The following GALNT17 variants were observed in gnomAD, a reference collection of about 807,000 sequenced individuals.
GALNT17 encodes the protein UDP-GalNAc:polypeptide N-acetylgalactosaminyltransferase-like 3.
In GALNT17, 29 loss-of-function variants were observed where a neutral mutation model predicts 63.7. The ratio of observed to expected loss-of-function variants is 0.46; its 90% CI spans 0.34 to 0.62. The LOEUF (loss-of-function observed/expected upper bound fraction) is 0.62. Among genes scored for constraint, GALNT17 ranks in the 20% least tolerant of loss-of-function variants. The pLI is 0.01. For missense variants in GALNT17, 603 were observed against 799.6 expected, an observed-to-expected ratio of 0.75 and a Z score of 2.97; for synonymous variants, 305 against 318.3, an observed-to-expected ratio of 0.96 and a Z score of 0.45.
chr7:71,497,287 A>G (rs1393267536), intron 5 of GALNT17, among the ~76,000 whole-genome samples: 2 of 152,142 alleles, frequency 1.3e-5, no homozygotes, highest in African/African-American at 4.8e-5. Flanking sequence ...GCATAGATTA[A>G]GTGGTTTAAA....
In GALNT17 at chr7:71,540,093, CTTTTTTTTTTTTTTTTT is replaced by C. The variant is rs71089954; in HGVS notation, c.963-31173_963-31157del. On this transcript the variant is annotated intron_variant, in intron 5 of 10. Transcript: ENST00000333538. ...ACAGTTGTGAGCCACTGTGCCTGGC[CTTTTTTTTTTTTTTTTT>C]TTTTTTTTTTTTTTTTTTGATGGAG... Among the ~76,000 whole-genome samples the C allele has an allele frequency of 3.0e-4, 10 of 33,548 alleles. 1 individual carries two copies. Among genetic ancestry groups the C allele is most frequent in the East Asian group, 2.1e-3 (2 of 962 alleles). The allele number at this position is 33,548 out of a possible 152,430, so 22.0% of individuals were successfully genotyped here.
intron 5 of GALNT17, among the ~76,000 whole-genome samples, chr7:71,529,922 T>G (rs1004760284): frequency 2.0e-5 from 3 of 152,222 alleles, no homozygotes; most frequent in Admixed American, 2.0e-4. Flanking sequence ...TAGGGAAAGC[T>G]TTTAAAGTCT....
chr7:71,389,415 A>G (rs1793009181), intron 3 of GALNT17, among the ~76,000 whole-genome samples: 1 of 151,930 alleles, frequency 6.6e-6, no homozygotes, highest in Middle Eastern at 3.4e-3. Flanking sequence ...ATTACAGGCC[A>G]TGAGCCACCG....
At chr7:71,451,878 C>T (rs952194806) in intron 5 of GALNT17, among the ~76,000 whole-genome samples, 9 of 151,630 alleles carry the variant, frequency 5.9e-5, no homozygotes, top group Non-Finnish European at 1.2e-4. Context: ...TTTATTTCAC[C>T]GAATTGTGGT....
At chr7:71,327,118 A>T (rs910631020) in intron 1 of GALNT17, among the ~76,000 whole-genome samples, 5 of 152,180 alleles carry the variant, frequency 3.3e-5, no homozygotes, top group Non-Finnish European at 7.3e-5. Flanking sequence ...CAGGCACTGG[A>T]GGTGACCACA....
rs1219751607 is a variant in GALNT17 at position 71,259,638 on chromosome 7, G to GTTTTTTTTTT, written c.239-75905_239-75904insTTTTTTTTTT. ...AGATCTTGGTCCTGTTTTGTTTTTT[G>GTTTTTTTTTT]TTTTTTTGTTTTTTTTTTTTTGAGA... is the stretch of plus-strand genomic sequence containing the variant. On this transcript the variant is annotated intron_variant, in intron 1 of 10. Coordinates refer to ENST00000333538, the MANE Select transcript of GALNT17 (RefSeq NM_022479.3). 1.3e-3 allele frequency among the ~76,000 whole-genome samples: 185 copies of GTTTTTTTTTT among 137,980 alleles called. 5 individuals are homozygous for GTTTTTTTTTT. The highest frequency in any genetic ancestry group is 1.7e-3 in the Non-Finnish European group (110 of 65,740). The allele number at this position is 137,980 out of a possible 152,430, so 90.5% of individuals were successfully genotyped here. A position where few individuals can be genotyped will look rare whatever the true frequency, so the allele number is the denominator to read the frequency against.
intron 1 of GALNT17, among the ~76,000 whole-genome samples, chr7:71,269,452 G>A (rs1177069448): frequency 4.6e-5 from 7 of 152,186 alleles, no homozygotes; most frequent in Admixed American, 2.0e-4. Flanking sequence ...GGGCAACAGA[G>A]CAAGACCATG....
In GALNT17 at chr7:71,525,396, C is replaced by T. The variant is rs955833609; in HGVS notation, c.963-45889C>T. ...TTGTTTTTTGTATTTTTAGTAGAGA[C>T]GGGGTTTCACTGTGTTAGCCAGGAT... On this transcript the variant is annotated intron_variant, in intron 5 of 10. Coordinates refer to ENST00000333538, the MANE Select transcript of GALNT17 (RefSeq NM_022479.3). Among the ~76,000 whole-genome samples the T allele has an allele frequency of 5.9e-5, 9 of 151,978 alleles. No homozygotes were observed. The South Asian group carries it at 6.2e-4, about 11-fold the overall frequency.
intron 6 of GALNT17, among the ~76,000 whole-genome samples, chr7:71,573,648 T>C (rs1462301102): frequency 6.6e-6 from 1 of 152,122 alleles, no homozygotes; most frequent in Non-Finnish European, 1.5e-5. Flanking sequence ...TTATTTTTTA[T>C]TTTTTTCTTT....
chr7:71,153,781 G>A (rs149800853), intron 1 of GALNT17, among the ~76,000 whole-genome samples: 1,776 of 152,178 alleles, frequency 0.012, 36 homozygotes, highest in African/African-American at 0.041. Context: ...GCCAGTCGTG[G>A]TGGCGGGCGC....
At chr7:71,488,889 C>T (rs1583997138) in intron 5 of GALNT17, among the ~76,000 whole-genome samples, 3 of 54,738 alleles carry the variant, frequency 5.5e-5, no homozygotes, top group African/African-American at 7.4e-5. Flanking sequence ...GCCAGGTTTC[C>T]TTTTTTTTTT....
chr7:71,685,463 A>T (rs987360164), intron 9 of GALNT17: 2 of 152,210 alleles, frequency 1.3e-5, no homozygotes, highest in African/African-American at 4.8e-5. Flanking sequence ...AAGCATTGGC[A>T]GGTGCTTTTC....
chr7:71,391,993 C>T (rs1793060233), intron 3 of GALNT17, among the ~76,000 whole-genome samples: 1 of 152,018 alleles, frequency 6.6e-6, no homozygotes, highest in Non-Finnish European at 1.5e-5. Context: ...TGAGAACTTC[C>T]TCATTACCAT....
At chr7:71,708,094 T>A (rs1010022802) in intron 9 of GALNT17, among the ~76,000 whole-genome samples, 7 of 152,214 alleles carry the variant, frequency 4.6e-5, no homozygotes, top group African/African-American at 1.4e-4. Flanking sequence ...GCTCTTTCAT[T>A]ATTATAAATT....
rs74656109 is a variant in GALNT17 at position 71,687,379 on chromosome 7, C to A, written c.1500+10073C>A. On this transcript the variant is annotated intron_variant, in intron 9 of 10. Coordinates refer to ENST00000333538, the MANE Select transcript of GALNT17 (RefSeq NM_022479.3). ...CCCTGCTGGCGTGACGGGGCTCTGGCGAGCTATTAGCATGTAGGAGGCACC... is the reference window on the plus strand; with the variant it reads ...CCCTGCTGGCGTGACGGGGCTCTGGAGAGCTATTAGCATGTAGGAGGCACC... Among the ~76,000 whole-genome samples, 139 of 152,290 alleles carry A rather than the reference C, an allele frequency of 9.1e-4. No individual in the cohort carries two copies. In the East Asian group the frequency reaches 0.025, roughly 28 times the overall value.
At chr7:71,502,966 G>A (rs896747168) in intron 5 of GALNT17, among the ~76,000 whole-genome samples, 4 of 152,152 alleles carry the variant, frequency 2.6e-5, no homozygotes, top group Admixed American at 2.0e-4. Context: ...TTGTTGAAAT[G>A]TCTGCTTTCT....
intron 5 of GALNT17, among the ~76,000 whole-genome samples, chr7:71,537,653 A>C (rs1203589441): frequency 6.6e-6 from 1 of 152,166 alleles, no homozygotes; most frequent in African/African-American, 2.4e-5. Flanking sequence ...CTGTGCTAAA[A>C]ATACAAAAAT....
intron 5 of GALNT17, among the ~76,000 whole-genome samples, chr7:71,564,448 G>A (rs955508562): frequency 6.6e-6 from 1 of 151,386 alleles, no homozygotes; most frequent in Non-Finnish European, 1.5e-5. Context: ...TACCACGCCC[G>A]GCTCATTTTT....
At chr7:71,235,699 A>G (rs1789875500) in intron 1 of GALNT17, among the ~76,000 whole-genome samples, 2 of 152,218 alleles carry the variant, frequency 1.3e-5, no homozygotes, top group African/African-American at 4.8e-5. Context: ...CTTGCACCAA[A>G]CGAAAGCAAA....
Sources: gnomAD v4.1 joint callset for allele counts (sites outside exome capture counted in the v4.1 genomes callset) on GRCh38, gnomAD v4.1.1 for gene constraint, MANE v1.5 for transcripts, NCBI Gene and HGNC (gene_info 2026-07-23, HGNC 2026-07-21) for gene names.